BOLL: variants seen among roughly 807,000 people sequenced by gnomAD.
BOLL encodes protein boule-like.
BOLL carries 23 observed loss-of-function variants against 44.4 expected under a neutral mutation model. That is an observed-to-expected ratio of 0.52 (90% confidence interval 0.37 to 0.73). The LOEUF (loss-of-function observed/expected upper bound fraction) is 0.73, where lower values mean the gene tolerates loss of function less well. BOLL is among the 30% of genes least tolerant of loss of function. The probability of loss-of-function intolerance (pLI) is 0.00; values close to 1 mark genes in which losing one functional copy is unlikely to be tolerated. For missense variants in BOLL, 287 were observed against 338.3 expected (o/e 0.85, Z 1.19); for synonymous variants, 97 against 110.8 (o/e 0.88, Z 0.78).
At chr2:197,772,083 T>C (rs1689293778) in intron 5 of BOLL, 101 bp from the exon 6 acceptor site, 2 of 943,998 alleles carry the variant, frequency 2.1e-6, no homozygotes, top group Non-Finnish European at 2.9e-6. Context: ...AATATACCTA[T>C]GTAGCTATGG....
At chr2:197,745,878 C>T (rs1687966327) in intron 9 of BOLL, among the ~76,000 whole-genome samples, 1 of 152,106 alleles carries the variant, frequency 6.6e-6, no homozygotes, top group Admixed American at 6.5e-5. Flanking sequence ...ATGTATTGGT[C>T]AGAGTGAGGT....
chr2:197,728,458 G>A lies in BOLL; in HGVS notation c.*97C>T, dbSNP rs1467511724. On this transcript the variant is annotated 3_prime_UTR_variant, in exon 11 of 11. Coordinates refer to ENST00000392296, the MANE Select transcript of BOLL (RefSeq NM_033030.6). ...ATTAACTAACACTAAGTTTCACAAC[G>A]GGCAGCTTCTAGCTGGTTCGTTGAA... 43 of 1,580,040 alleles carry A rather than the reference G, an allele frequency of 2.7e-5. No homozygotes were observed. Among genetic ancestry groups the A allele is most frequent in the Non-Finnish European group, 3.2e-5 (37 of 1,149,970 alleles).
At chr2:197,778,861 AG>A in intron 3 of BOLL, 113 bp downstream of exon 3, 1 of 755,424 alleles carries the variant, frequency 1.3e-6, no homozygotes, top group Non-Finnish European at 2.1e-6. Flanking sequence ...AGGAAAGAAG[AG>A]GGCATGATGG....
intron 10 of BOLL, among the ~76,000 whole-genome samples, chr2:197,729,143 C>G (rs1284958487): frequency 2.6e-5 from 4 of 152,148 alleles, no homozygotes; most frequent in African/African-American, 7.2e-5. Flanking sequence ...TGAAGCAGGG[C>G]GAGGCATTGC....
chr2:197,755,848 CT>C (rs2106348624), intron 9 of BOLL: 1 of 152,204 alleles, frequency 6.6e-6, no homozygotes, highest in Admixed American at 6.5e-5. Context: ...ACAGGTTTAC[CT>C]ATGTAATAAA....
intron 9 of BOLL, among the ~76,000 whole-genome samples, chr2:197,748,603 T>TAA (rs1688094338): frequency 6.6e-6 from 1 of 152,178 alleles, no homozygotes; most frequent in Non-Finnish European, 1.5e-5. Flanking sequence ...ACTCACAGTG[T>TAA]AAATAAAGCC....
intron 9 of BOLL, among the ~76,000 whole-genome samples, chr2:197,752,270 A>G (rs370236136): frequency 6.6e-6 from 1 of 152,206 alleles, no homozygotes; most frequent in African/African-American, 2.4e-5. Flanking sequence ...CATCACTCCT[A>G]TTCAACACAG....
chr2:197,773,497 A>T (rs1312163920), intron 5 of BOLL, among the ~76,000 whole-genome samples: 1 of 151,960 alleles, frequency 6.6e-6, no homozygotes, highest in Non-Finnish European at 1.5e-5. Flanking sequence ...TACATGAGGC[A>T]TTATAGGGTA....
intron 7 of BOLL, among the ~76,000 whole-genome samples, chr2:197,761,197 C>T (rs1479308658): frequency 6.6e-6 from 1 of 152,114 alleles, no homozygotes; most frequent in African/African-American, 2.4e-5. Context: ...GTAGTCTCAG[C>T]TGTGTGGCAG....
At chr2:197,784,328 A>T (rs1004124138) in intron 1 of BOLL, among the ~76,000 whole-genome samples, 1 of 145,840 alleles carries the variant, frequency 6.9e-6, no homozygotes, top group African/African-American at 2.6e-5. Flanking sequence ...TTCAGGAGAG[A>T]CCTGCTCATG....
chr2:197,756,211 T>A (rs1688510137), intron 9 of BOLL, among the ~76,000 whole-genome samples: 2 of 152,092 alleles, frequency 1.3e-5, no homozygotes, highest in African/African-American at 4.8e-5. Context: ...CTTAGTGGAG[T>A]GAATGGTTGA....
At chr2:197,783,843 T>C (rs887896152) in intron 1 of BOLL, among the ~76,000 whole-genome samples, 8 of 152,214 alleles carry the variant, frequency 5.3e-5, no homozygotes, top group Admixed American at 1.3e-4. Context: ...TTTCTGCCCA[T>C]TTGTTTACAG....
intron 2 of BOLL, among the ~76,000 whole-genome samples, chr2:197,780,056 A>C (rs1196519193): frequency 6.6e-6 from 1 of 151,998 alleles, no homozygotes; most frequent in Non-Finnish European, 1.5e-5. Context: ...AATGACTTTT[A>C]TTTCAGTTAA....
intron 10 of BOLL, among the ~76,000 whole-genome samples, chr2:197,739,801 C>A (rs773278254): frequency 1.6e-4 from 24 of 152,122 alleles, no homozygotes; most frequent in Non-Finnish European, 3.2e-4. Context: ...TTTCTCCTAT[C>A]CAAATACCAC....
intron 10 of BOLL, among the ~76,000 whole-genome samples, chr2:197,733,862 G>T (rs1056759205): frequency 6.6e-6 from 1 of 152,080 alleles, no homozygotes; most frequent in African/African-American, 2.4e-5. Context: ...AAAAACCCTA[G>T]AAGAAAACCT....
chr2:197,763,099 C>A (rs1372179085), intron 7 of BOLL, among the ~76,000 whole-genome samples: 1 of 152,114 alleles, frequency 6.6e-6, no homozygotes, highest in African/African-American at 2.4e-5. Flanking sequence ...CAACTCTATG[C>A]AAATAAATTA....
At chr2:197,749,794 C>T (rs1435516013) in intron 9 of BOLL, among the ~76,000 whole-genome samples, 1 of 152,036 alleles carries the variant, frequency 6.6e-6, no homozygotes, top group East Asian at 1.9e-4. Flanking sequence ...GGGAATGGAA[C>T]CAAGGTGGAA....
intron 2 of BOLL, among the ~76,000 whole-genome samples, chr2:197,781,140 A>G (rs1049583956): frequency 6.6e-6 from 1 of 152,058 alleles, no homozygotes; most frequent in African/African-American, 2.4e-5. Flanking sequence ...CTAGTACCGA[A>G]TAGTTATTTT....
At chr2:197,743,186 G>A (rs552302899) in intron 9 of BOLL, 27 bp from the exon 10 acceptor site, 1 of 1,491,706 alleles carries the variant, frequency 6.7e-7, no homozygotes, top group East Asian at 2.3e-5. Context: ...GAGAAAAAAT[G>A]TCACCTTTCA....
Sources: gnomAD v4.1 joint callset for allele counts (sites outside exome capture counted in the v4.1 genomes callset) on GRCh38, gnomAD v4.1.1 for gene constraint, MANE v1.5 for transcripts, NCBI Gene and HGNC (gene_info 2026-07-23, HGNC 2026-07-21) for gene names.